TNIK: variants seen among roughly 807,000 people sequenced by gnomAD.
The protein encoded by TNIK is TRAF2 and NCK interacting kinase.
A neutral mutation model predicts 191.3 loss-of-function variants in TNIK; 49 were observed. The observed-to-expected ratio is 0.26, with a 90% CI of 0.20 to 0.32. TNIK has a LOEUF of 0.32. TNIK is among the 10% of genes least tolerant of loss of function. The probability of loss-of-function intolerance (pLI) is 1.00; values close to 1 mark genes in which losing one functional copy is unlikely to be tolerated. For synonymous variants in TNIK, 594 were observed against 600.9 expected (o/e 0.99, Z 0.17); for missense variants, 1,155 against 1,702.3 (o/e 0.68, Z 5.66).
intron 2 of TNIK, among the ~76,000 whole-genome samples, chr3:171,300,336 T>G (rs1176751870): frequency 6.6e-6 from 1 of 152,242 alleles, no homozygotes; most frequent in Non-Finnish European, 1.5e-5. Context: ...AGTATGGTTT[T>G]GCTTCTTGCA....
intron 1 of TNIK, among the ~76,000 whole-genome samples, chr3:171,435,676 T>C (rs927605915): frequency 7.9e-5 from 12 of 152,230 alleles, no homozygotes; most frequent in South Asian, 4.1e-4. Flanking sequence ...TCTACTAATA[T>C]GTTGTATTAA....
chr3:171,173,069 T>A (rs577582762), intron 9 of TNIK, among the ~76,000 whole-genome samples: 33 of 151,836 alleles, frequency 2.2e-4, no homozygotes, highest in Non-Finnish European at 4.3e-4. Context: ...AAAGGGGTGG[T>A]GTAGACCATG....
chr3:171,355,438 A>G (rs554774546), intron 2 of TNIK, among the ~76,000 whole-genome samples: 1 of 140,444 alleles, frequency 7.1e-6, no homozygotes, highest in Non-Finnish European at 1.6e-5. Context: ...TTAGGCCACA[A>G]AACATTCATT....
intron 30 of TNIK, 66 bp from the exon 31 acceptor site, chr3:171,066,801 T>A: frequency 6.6e-7 from 1 of 1,515,104 alleles, no homozygotes; most frequent in South Asian, 1.3e-5. Flanking sequence ...TATTCATCTC[T>A]AACAACTGCA....
chr3:171,067,539 G>A (rs1718607638), intron 30 of TNIK, among the ~76,000 whole-genome samples: 1 of 151,848 alleles, frequency 6.6e-6, no homozygotes, highest in African/African-American at 2.4e-5. Flanking sequence ...GCATGATGGT[G>A]GGCACCTGTA....
intron 30 of TNIK, among the ~76,000 whole-genome samples, chr3:171,067,441 C>T (rs563642675): frequency 1.3e-5 from 2 of 152,028 alleles, no homozygotes; most frequent in South Asian, 2.1e-4. Flanking sequence ...GAGGCCGAGG[C>T]GGGCGGATCA....
intron 1 of TNIK, among the ~76,000 whole-genome samples, chr3:171,412,010 T>A (rs1356246703): frequency 6.6e-6 from 1 of 152,190 alleles, no homozygotes; most frequent in Non-Finnish European, 1.5e-5. Context: ...GGGTGCCTGC[T>A]CTTATAGCAG....
At chr3:171,447,308 A>ACT (rs1727634614) in intron 1 of TNIK, among the ~76,000 whole-genome samples, 1 of 72,132 alleles carries the variant, frequency 1.4e-5, no homozygotes, top group Admixed American at 1.3e-4. Flanking sequence ...TTTAGGCAAG[A>ACT]AAAAAAAAAA....
intron 4 of TNIK, among the ~76,000 whole-genome samples, chr3:171,195,683 C>G (rs896591621): frequency 3.9e-5 from 6 of 152,084 alleles, no homozygotes; most frequent in Non-Finnish European, 7.4e-5. Flanking sequence ...TCTCATGAAA[C>G]TCATTTCATG....
chr3:171,445,307 T>C (rs1727359340), intron 1 of TNIK, among the ~76,000 whole-genome samples: 1 of 151,664 alleles, frequency 6.6e-6, no homozygotes, highest in Non-Finnish European at 1.5e-5. Context: ...TAGTACTTGC[T>C]ACCCCAGGAG....
intron 2 of TNIK, among the ~76,000 whole-genome samples, chr3:171,240,930 G>A (rs1280035078): frequency 6.6e-6 from 1 of 152,094 alleles, no homozygotes; most frequent in Non-Finnish European, 1.5e-5. Context: ...TAGCAGATCA[G>A]TGCCCGCATG....
intron 2 of TNIK, among the ~76,000 whole-genome samples, chr3:171,309,192 C>CAT (rs1753765510): frequency 1.3e-5 from 2 of 151,976 alleles, no homozygotes; most frequent in Non-Finnish European, 2.9e-5. Context: ...AAATGTGGTA[C>CAT]ATATACACCA....
At chr3:171,068,372 A>G (rs566372167) in intron 30 of TNIK, among the ~76,000 whole-genome samples, 23 of 152,340 alleles carry the variant, frequency 1.5e-4, no homozygotes, top group African/African-American at 5.5e-4. Flanking sequence ...AAGCTAATAC[A>G]TGCTAGAGCC....
chr3:171,118,933 A>G (rs1028087640), intron 18 of TNIK, among the ~76,000 whole-genome samples: 1 of 152,256 alleles, frequency 6.6e-6, no homozygotes, highest in Non-Finnish European at 1.5e-5. Flanking sequence ...GCCAAAATTG[A>G]CAAATGGGAT....
intron 28 of TNIK, among the ~76,000 whole-genome samples, chr3:171,075,554 C>T (rs1719784724): frequency 1.3e-5 from 2 of 152,150 alleles, no homozygotes; most frequent in African/African-American, 4.8e-5. Flanking sequence ...AACATTCCCG[C>T]ATGTGGTCTG....
intron 24 of TNIK, among the ~76,000 whole-genome samples, chr3:171,085,875 T>C (rs564663091): frequency 3.3e-5 from 5 of 152,340 alleles, no homozygotes; most frequent in Admixed American, 6.5e-5. Flanking sequence ...ATTACGTTTG[T>C]GAGCAATGTA....
intron 14 of TNIK, 90 bp downstream of exon 14, chr3:171,139,380 A>ACACACGCACG (rs1356309678): frequency 1.6e-4 from 74 of 465,434 alleles, no homozygotes; most frequent in Non-Finnish European, 2.1e-4. Flanking sequence ...GCACGCGCGC[A>ACACACGCACG]CACACACACA....
At chr3:171,350,521 G>A (rs945586046) in intron 2 of TNIK, among the ~76,000 whole-genome samples, 2 of 141,702 alleles carry the variant, frequency 1.4e-5, no homozygotes, top group African/African-American at 2.7e-5. Flanking sequence ...ATTAGCATGA[G>A]GAAAATTAAC....
intron 7 of TNIK, among the ~76,000 whole-genome samples, chr3:171,181,303 C>A (rs1222661335): frequency 1.3e-5 from 2 of 152,232 alleles, no homozygotes; most frequent in African/African-American, 4.8e-5. Flanking sequence ...AAATCTGGCA[C>A]AGAGTAGGGC....
Sources: gnomAD v4.1 joint callset for allele counts (sites outside exome capture counted in the v4.1 genomes callset) on GRCh38, gnomAD v4.1.1 for gene constraint, MANE v1.5 for transcripts, NCBI Gene and HGNC (gene_info 2026-07-23, HGNC 2026-07-21) for gene names.